Variants in IGSF11 observed in about 807,000 individuals in gnomAD.
IGSF11 encodes CXADR like 1.
In IGSF11, 22 loss-of-function variants were observed where a neutral mutation model predicts 41.0. The observed-to-expected ratio is 0.54, with a 90% CI of 0.38 to 0.77. IGSF11 has a LOEUF of 0.77. Ranked by LOEUF, IGSF11 falls within the 30% of genes least tolerant of loss-of-function variation. The probability of loss-of-function intolerance (pLI) is 0.00; values close to 1 mark genes in which losing one functional copy is unlikely to be tolerated. For missense variants in IGSF11, 444 were observed against 530.8 expected (o/e 0.84, Z 1.61); for synonymous variants, 219 against 201.3 (o/e 1.09, Z -0.74).
rs180826940 is a variant in IGSF11, at chr3:118,976,038, A to T, written c.53-45763T>A. Among the ~76,000 whole-genome samples, 291 of 151,160 alleles carry T rather than the reference A, an allele frequency of 1.9e-3. 7 individuals carry two copies. The highest frequency in any genetic ancestry group is 0.018 in the Admixed American group (275 of 15,276). On this transcript the variant is annotated intron_variant, in intron 1 of 6. Coordinates refer to ENST00000393775, the MANE Select transcript of IGSF11 (RefSeq NM_001015887.3). ...AAAAGTTGAAATTAATAAAAATTTT[A>T]AAAAAAACAGAACATGAAACCGATA...
At chr3:119,085,228 A>G (rs755775765) in intron 1 of IGSF11, among the ~76,000 whole-genome samples, 3 of 152,152 alleles carry the variant, frequency 2.0e-5, no homozygotes, top group Non-Finnish European at 2.9e-5. Flanking sequence ...CTGAGTAACA[A>G]CCTGTCGCCC....
At chr3:118,982,152 G>A (rs1383267322) in intron 1 of IGSF11, among the ~76,000 whole-genome samples, 1 of 152,098 alleles carries the variant, frequency 6.6e-6, no homozygotes, top group Non-Finnish European at 1.5e-5. Context: ...TAGACACTTA[G>A]GTTAGACTGT....
upstream of IGSF11, among the ~76,000 whole-genome samples, chr3:119,110,161 T>C (rs1444203180): frequency 6.6e-6 from 1 of 152,082 alleles, no homozygotes; most frequent in African/African-American, 2.4e-5. Flanking sequence ...CTTTCTGTCT[T>C]GTAGATCTGA....
chr3:118,978,160 T>C (rs1469149023), intron 1 of IGSF11, among the ~76,000 whole-genome samples: 3 of 152,176 alleles, frequency 2.0e-5, no homozygotes, highest in Non-Finnish European at 4.4e-5. Flanking sequence ...ATCCAGGAGC[T>C]TGGAGACTGC....
At chr3:119,022,671 A>G (rs1939413032) in intron 1 of IGSF11, among the ~76,000 whole-genome samples, 1 of 152,178 alleles carries the variant, frequency 6.6e-6, no homozygotes, top group African/African-American at 2.4e-5. Flanking sequence ...ACATACACAC[A>G]CAGACACAAT....
At chr3:119,106,228 A>T (rs1007113754), upstream of IGSF11, among the ~76,000 whole-genome samples, 3 of 152,152 alleles carry the variant, frequency 2.0e-5, no homozygotes, top group Non-Finnish European at 4.4e-5. Flanking sequence ...ATACTTTTTT[A>T]GTTGTTTTTA....
chr3:119,116,979 C>G (rs192640793), intron 1 of IGSF11, among the ~76,000 whole-genome samples: 7 of 152,034 alleles, frequency 4.6e-5, no homozygotes, highest in Admixed American at 4.6e-4. Context: ...TACCTGGCCA[C>G]CCCCACCCCT....
intron 1 of IGSF11, among the ~76,000 whole-genome samples, chr3:119,045,126 C>T (rs1401375767): frequency 1.3e-5 from 2 of 152,108 alleles, no homozygotes; most frequent in Admixed American, 6.5e-5. Context: ...GATAAAATCC[C>T]ACAAAAGGGA....
chr3:118,941,577 TG>T (rs1372913839), intron 1 of IGSF11, among the ~76,000 whole-genome samples: 1 of 152,192 alleles, frequency 6.6e-6, no homozygotes, highest in Non-Finnish European at 1.5e-5. Flanking sequence ...CAGAATTAAA[TG>T]TACACTTAAC....
intron 1 of IGSF11, among the ~76,000 whole-genome samples, chr3:119,047,560 A>T (rs984242990): frequency 1.3e-5 from 2 of 152,248 alleles, no homozygotes; most frequent in African/African-American, 4.8e-5. Context: ...AGAATTTAAC[A>T]TCACACTGTC....
Position 119,014,208 on chromosome 3 carries a change from C to T in IGSF11, c.52+20323G>A, listed in dbSNP as rs1380112798. On this transcript the variant is annotated intron_variant, in intron 1 of 6. Transcript: ENST00000393775. ...AGGGTGGAAAAGCCCATCTGTTTGA[C>T]GTTCACTCCAGCTGCTGCAGATTCT... Among the ~76,000 whole-genome samples the T allele has an allele frequency of 4.6e-5, 7 of 152,198 alleles. No homozygotes were observed. The South Asian group carries it at 6.2e-4, about 14-fold the overall frequency.
chr3:119,145,165 T>G (rs1322813340), intron 1 of IGSF11, among the ~76,000 whole-genome samples: 1 of 152,218 alleles, frequency 6.6e-6, no homozygotes, highest in African/African-American at 2.4e-5. Context: ...TCACAAGTAT[T>G]TGAATTTGGA....
intron 1 of IGSF11, among the ~76,000 whole-genome samples, chr3:119,000,759 A>G (rs1379448933): frequency 1.3e-5 from 2 of 152,172 alleles, no homozygotes; most frequent in Non-Finnish European, 2.9e-5. Context: ...ACATTGCCCA[A>G]AATTATTCTG....
chr3:119,060,509 G>A (rs1427512529), intron 1 of IGSF11, among the ~76,000 whole-genome samples: 1 of 152,098 alleles, frequency 6.6e-6, no homozygotes, highest in Non-Finnish European at 1.5e-5. Context: ...ATACTTATAT[G>A]GACCAGGCAC....
intron 1 of IGSF11, among the ~76,000 whole-genome samples, chr3:119,055,267 C>T (rs1340137654): frequency 6.6e-6 from 1 of 152,084 alleles, no homozygotes; most frequent in Non-Finnish European, 1.5e-5. Flanking sequence ...AAAATCAGAG[C>T]ACCTCTCCTC....
At chr3:119,042,365 T>TA (rs1941149947) in intron 1 of IGSF11, among the ~76,000 whole-genome samples, 1 of 152,220 alleles carries the variant, frequency 6.6e-6, no homozygotes, top group African/African-American at 2.4e-5. Flanking sequence ...GGGAGGGTTG[T>TA]AGCCTTGGGC....
At position 119,034,572 on chromosome 3, in the gene IGSF11, T is replaced by C. The variant is rs1940755250; in HGVS notation, c.11A>G (p.Gln4Arg). The change falls in exon 1 of 7, where the codon CAG becomes CGG. Residue 4 changes from glutamine (Q) to arginine (R), a missense_variant. Coordinates refer to ENST00000393775, the MANE Select transcript of IGSF11 (RefSeq NM_001015887.3). ...CAGCAAAGGCGCCAGAGGGGAACGC[T>C]GAGAAGTCATCCCGGGGCCGCAGGG... MTS[Q>R]RSPLAPLLLL... is the part of the protein sequence containing the mutation. 6.3e-7 allele frequency: 1 copy of C among 1,591,066 alleles called. No homozygotes were observed. The highest frequency in any genetic ancestry group is 1.4e-5 in the African/African-American group (1 of 73,510).
intron 1 of IGSF11, among the ~76,000 whole-genome samples, chr3:119,004,659 T>C (rs1394256184): frequency 1.3e-5 from 2 of 148,672 alleles, no homozygotes; most frequent in South Asian, 2.2e-4. Context: ...TCTGGTATGT[T>C]GTGTCTTTGT....
At chr3:119,093,079 C>T (rs2076791275) in intron 1 of IGSF11, among the ~76,000 whole-genome samples, 1 of 152,068 alleles carries the variant, frequency 6.6e-6, no homozygotes, top group African/African-American at 2.4e-5. Flanking sequence ...CATTAAGTAA[C>T]ACATGATTGT....
Sources: gnomAD v4.1 joint callset for allele counts (sites outside exome capture counted in the v4.1 genomes callset) on GRCh38, gnomAD v4.1.1 for gene constraint, MANE v1.5 for transcripts, NCBI Gene and HGNC (gene_info 2026-07-23, HGNC 2026-07-21) for gene names.